The following RNF150 variants were observed in gnomAD, a reference collection of about 807,000 sequenced individuals.
RNF150 encodes ring finger protein 150.
Under a neutral mutation model 39.3 loss-of-function variants are expected in RNF150, and 24 were observed. The observed-to-expected ratio is 0.61, with a 90% CI of 0.44 to 0.86. RNF150 has a LOEUF of 0.86. Ranked by LOEUF, RNF150 falls within the 40% of genes least tolerant of loss-of-function variation. RNF150 has a pLI of 0.00. For synonymous variants in RNF150, 255 were observed against 227.3 expected (o/e 1.12, Z -1.10); for missense variants, 502 against 587.8 (o/e 0.85, Z 1.51).
intron 1 of RNF150, among the ~76,000 whole-genome samples, chr4:141,193,409 T>C (rs1728148390): frequency 6.6e-6 from 1 of 152,228 alleles, no homozygotes; most frequent in Non-Finnish European, 1.5e-5. Context: ...TGCGTGAGAT[T>C]CTCCAGCAAT....
At chr4:140,906,469 C>G (rs1465539676) in intron 6 of RNF150, among the ~76,000 whole-genome samples, 1 of 152,102 alleles carries the variant, frequency 6.6e-6, no homozygotes, top group African/African-American at 2.4e-5. Flanking sequence ...CTTGAACATT[C>G]TCAGATTTTG....
intron 1 of RNF150, among the ~76,000 whole-genome samples, chr4:141,174,751 A>T (rs770522369): frequency 9.2e-5 from 14 of 152,246 alleles, no homozygotes; most frequent in Middle Eastern, 3.4e-3. Flanking sequence ...GCAAAGTCTC[A>T]CTCAAGAGAG....
intron 2 of RNF150, among the ~76,000 whole-genome samples, chr4:140,964,066 T>C (rs1479468604): frequency 6.6e-6 from 1 of 152,110 alleles, no homozygotes. Context: ...TTCTGGAGAT[T>C]CCAACCAATG....
chr4:141,118,157 G>A (rs183793482), intron 1 of RNF150, among the ~76,000 whole-genome samples: 7 of 152,134 alleles, frequency 4.6e-5, no homozygotes, highest in East Asian at 1.9e-4. Flanking sequence ...TGTCAGACCC[G>A]TTACATGGCC....
rs1267278095 is a variant in RNF150, at chr4:141,132,978, C to A, written c.-170G>T. 7.0e-6 allele frequency: 4 copies of A among 570,088 alleles called. No homozygotes were observed. The highest frequency in any genetic ancestry group is 1.2e-5 in the Non-Finnish European group (4 of 333,712). 35.3% of individuals were successfully genotyped at this position (570,088 alleles called of 1,614,324 possible). ...GCCGCCGCGGGGACCGGATTCCGGG[C>A]GAGCGGATGGCGCTGGCCCCTTCCC... On this transcript the variant is annotated 5_prime_UTR_variant, in exon 1 of 7. Coordinates refer to ENST00000515673, the MANE Select transcript of RNF150 (RefSeq NM_020724.2). This position sits in a 1 kb window ranked among gnomAD's most constrained non-coding sequence, Gnocchi z 4.9.
intron 1 of RNF150, among the ~76,000 whole-genome samples, chr4:141,151,744 A>G (rs1044173186): frequency 1.3e-5 from 2 of 152,130 alleles, no homozygotes; most frequent in African/African-American, 4.8e-5. Context: ...TTTGAATTCT[A>G]TAAGCAAGGA....
chr4:141,112,024 C>T (rs1739399996), intron 1 of RNF150, among the ~76,000 whole-genome samples: 1 of 151,724 alleles, frequency 6.6e-6, no homozygotes, highest in Admixed American at 6.6e-5. Flanking sequence ...TTGCATAGAC[C>T]CCTTTAATAG....
Position 140,905,848 on chromosome 4 carries a change from T to C in RNF150, c.1198+5296A>G, listed in dbSNP as rs139699405. On this transcript the variant is annotated intron_variant, in intron 6 of 6. Coordinates refer to ENST00000515673, the MANE Select transcript of RNF150 (RefSeq NM_020724.2). ...GACTGCTACTGTCCTGGAAGAGGACTGTCAGGACAGGTGATGTATGAGTGT... is the reference window on the plus strand; with the variant it reads ...GACTGCTACTGTCCTGGAAGAGGACCGTCAGGACAGGTGATGTATGAGTGT... Among the ~76,000 whole-genome samples the C allele has an allele frequency of 1.3e-3, 195 of 148,476 alleles. 3 individuals carry two copies. The highest frequency in any genetic ancestry group is 3.9e-3 in the African/African-American group (158 of 40,656).
chr4:140,984,145 C>CATTTTGG (rs1194511902), intron 1 of RNF150, among the ~76,000 whole-genome samples: 1 of 152,078 alleles, frequency 6.6e-6, no homozygotes, highest in African/African-American at 2.4e-5. Flanking sequence ...AATCATTTTG[C>CATTTTGG]ATTTTGGATT....
intron 1 of RNF150, among the ~76,000 whole-genome samples, chr4:141,156,086 A>G (rs1727392380): frequency 6.6e-6 from 1 of 150,568 alleles, no homozygotes; most frequent in Admixed American, 6.6e-5. Flanking sequence ...CCATCCCATC[A>G]TGGCTGGAAG....
intron 1 of RNF150, among the ~76,000 whole-genome samples, chr4:141,077,708 T>C (rs1737946199): frequency 6.6e-6 from 1 of 152,236 alleles, no homozygotes; most frequent in African/African-American, 2.4e-5. Context: ...ATGTTTCCTC[T>C]ACCTGGTTAA....
chr4:141,133,975 T>C (rs1454086006), upstream of RNF150, among the ~76,000 whole-genome samples: 1 of 152,238 alleles, frequency 6.6e-6, no homozygotes, highest in East Asian at 1.9e-4. Context: ...GTGGTGCTGA[T>C]GCTGCTGGTC....
chr4:141,159,382 T>A (rs1474095097), intron 1 of RNF150, among the ~76,000 whole-genome samples: 1 of 152,168 alleles, frequency 6.6e-6, no homozygotes, highest in African/African-American at 2.4e-5. Context: ...ATTCTCCTTT[T>A]GCTTTTCCCC....
At chr4:141,004,837 A>G (rs1355308918) in intron 1 of RNF150, among the ~76,000 whole-genome samples, 3 of 152,058 alleles carry the variant, frequency 2.0e-5, no homozygotes, top group African/African-American at 7.2e-5. Flanking sequence ...ACAAATATCT[A>G]CTCTGTACAT....
At chr4:140,889,879 C>A (rs553082996) in intron 6 of RNF150, among the ~76,000 whole-genome samples, 1 of 152,234 alleles carries the variant, frequency 6.6e-6, no homozygotes, top group African/African-American at 2.4e-5. Context: ...TCAGGAACTG[C>A]CTGCATTGCC....
At chr4:140,966,018 C>A (rs982879373) in intron 2 of RNF150, among the ~76,000 whole-genome samples, 1 of 152,048 alleles carries the variant, frequency 6.6e-6, no homozygotes, top group Admixed American at 6.6e-5. Flanking sequence ...TTCAACTATA[C>A]ACAATAAAAT....
At position 140,997,029 on chromosome 4, in the gene RNF150, T is replaced by A. The variant is rs140280863; in HGVS notation, c.485-29156A>T. On this transcript the variant is annotated intron_variant, in intron 1 of 6. Coordinates refer to ENST00000515673, the MANE Select transcript of RNF150 (RefSeq NM_020724.2). ...TCATATTTCAGACCCATTGAAGAATTCTGTCCTACAAACCACAAGGGGGAA... is the reference window on the plus strand; with the variant it reads ...TCATATTTCAGACCCATTGAAGAATACTGTCCTACAAACCACAAGGGGGAA... The A allele has an allele frequency of 1.3e-3, 202 of 152,334 alleles. 1 individual carries two copies. Among genetic ancestry groups the A allele is most frequent in the African/African-American group, 4.7e-3 (197 of 41,576 alleles). 9.4% of individuals were successfully genotyped at this position (152,334 alleles called of 1,614,324 possible).
upstream of RNF150, among the ~76,000 whole-genome samples, chr4:141,137,877 C>T (rs1481877562): frequency 1.3e-5 from 2 of 152,110 alleles, no homozygotes; most frequent in African/African-American, 4.8e-5. Flanking sequence ...CTTTCTCCAC[C>T]AGCCAGGCAG....
chr4:141,141,353 A>G (rs572630899), intron 1 of RNF150, among the ~76,000 whole-genome samples: 1 of 152,000 alleles, frequency 6.6e-6, no homozygotes, highest in Non-Finnish European at 1.5e-5. Context: ...TTGTATTTCC[A>G]TTTCTGTTAC....
Sources: allele counts gnomAD v4.1 joint callset (sites outside exome capture counted in the v4.1 genomes callset), GRCh38; gene constraint gnomAD v4.1.1; non-coding constraint Gnocchi (gnomAD v3.1); transcripts MANE v1.5; gene names NCBI Gene and HGNC (gene_info 2026-07-23, HGNC 2026-07-21).